The following SUDS3 variants were observed in gnomAD, a reference collection of about 807,000 sequenced individuals.
The protein encoded by SUDS3 is sin3 histone deacetylase corepressor complex component SDS3.
A neutral mutation model predicts 53.5 loss-of-function variants in SUDS3; 23 were observed. That is an observed-to-expected ratio of 0.43 (90% CI 0.31 to 0.61). SUDS3 has a LOEUF of 0.61. SUDS3 is among the 20% of genes least tolerant of loss of function. The pLI is 0.10. For missense variants in SUDS3, 291 were observed against 405.9 expected, an observed-to-expected ratio of 0.72 and a Z score of 2.43; for synonymous variants, 150 against 148.5, an observed-to-expected ratio of 1.01 and a Z score of -0.08.
At chr12:118,410,462 T>G (rs1288714354) in intron 10 of SUDS3, among the ~76,000 whole-genome samples, 1 of 152,176 alleles carries the variant, frequency 6.6e-6, no homozygotes, top group Admixed American at 6.5e-5. Flanking sequence ...TCCAACACTT[T>G]CCTCAGCCTT....
intron 1 of SUDS3, among the ~76,000 whole-genome samples, chr12:118,378,452 A>G (rs1170775870): frequency 2.0e-5 from 3 of 149,586 alleles, no homozygotes; most frequent in African/African-American, 4.9e-5. Context: ...CTTACATAGT[A>G]TTTACATTTT....
chr12:118,381,544 G>A (rs1354948661), intron 2 of SUDS3, among the ~76,000 whole-genome samples: 6 of 151,976 alleles, frequency 3.9e-5, no homozygotes, highest in Admixed American at 6.6e-5. Flanking sequence ...CACCATGCCC[G>A]GCTAATAATT....
chr12:118,403,569 A>G (rs554592259), intron 10 of SUDS3, 52 bp downstream of exon 10: 1 of 1,423,710 alleles, frequency 7.0e-7, no homozygotes, highest in East Asian at 2.4e-5. Flanking sequence ...AACCACTTGG[A>G]AAGAGGGCTG....
At chr12:118,384,580 C>T (rs1334187896) in intron 3 of SUDS3, among the ~76,000 whole-genome samples, 1 of 152,160 alleles carries the variant, frequency 6.6e-6, no homozygotes, top group Admixed American at 6.5e-5. Flanking sequence ...CACCTGTAAT[C>T]CCAGCACTTT....
Position 118,391,263 on chromosome 12 carries a change from G to C in SUDS3, c.498G>C (p.Leu166=), listed in dbSNP as rs1374520218. The C allele has an allele frequency of 6.2e-7, 1 of 1,612,348 alleles. No individual in the cohort carries two copies. The highest frequency in any genetic ancestry group is 8.5e-7 in the Non-Finnish European group (1 of 1,179,532). ...EKKKMIENEK[L]TMELTGDSME... ...AGAAAATGATTGAAAATGAAAAGCT[G>C]ACAATGGAACTGACTGGAGGTAGGA... The change falls in exon 6 of 12, where the codon CTG becomes CTC. Residue 166 remains leucine, a synonymous_variant. Transcript: ENST00000543473.
At chr12:118,389,286 C>A (rs968803204) in intron 4 of SUDS3, among the ~76,000 whole-genome samples, 1 of 152,068 alleles carries the variant, frequency 6.6e-6, no homozygotes, top group African/African-American at 2.4e-5. Context: ...CCGAACTGGT[C>A]CCTGGTGCCA....
At chr12:118,391,088 G>C (rs572108038) in intron 5 of SUDS3, 38 bp from the exon 6 acceptor site, 1 of 1,610,132 alleles carries the variant, frequency 6.2e-7, no homozygotes, top group Non-Finnish European at 8.5e-7. Flanking sequence ...TGGCTCCCAG[G>C]GCTGTGTACT....
At chr12:118,382,031 TA>T (rs1421643132) in intron 2 of SUDS3, among the ~76,000 whole-genome samples, 1 of 151,728 alleles carries the variant, frequency 6.6e-6, no homozygotes, top group African/African-American at 2.4e-5. Context: ...CAGTGCTGAA[TA>T]AAGATGGATT....
rs2046400825 is a variant in SUDS3 at position 118,416,397 on chromosome 12, A to ACC, written c.*1965_*1966dup. 6.6e-6 allele frequency: 1 copy of ACC among 151,530 alleles called. No individual in the cohort carries two copies. Among genetic ancestry groups the ACC allele is most frequent in the Admixed American group, 6.6e-5 (1 of 15,208 alleles). The allele number at this position is 151,530 out of a possible 1,614,324, so 9.4% of individuals were successfully genotyped here. ...CTCTTTTTCTGGCCTTCTCTGTGGG[A>ACC]CCTCTGCTTTTGTGAAGCAACTATT... On this transcript the variant is annotated 3_prime_UTR_variant, in exon 12 of 12. Coordinates refer to ENST00000543473, the MANE Select transcript of SUDS3 (RefSeq NM_022491.3).
Position 118,391,275 on chromosome 12 carries a change from G to T in SUDS3, c.510G>T (p.Leu170=). 1 of 1,610,164 alleles carries T rather than the reference G, an allele frequency of 6.2e-7. No homozygotes were observed. Among genetic ancestry groups the T allele is most frequent in the South Asian group, 1.1e-5 (1 of 90,418 alleles). ...AAAATGAAAAGCTGACAATGGAACT[G>T]ACTGGAGGTAGGAAAGCCCTATGGG... ...MIENEKLTME[L]TGDSMEVKPI... is the part of the protein sequence containing the mutation. The change falls in exon 6 of 12, where the codon CTG becomes CTT. Residue 170 remains leucine, a synonymous_variant. Transcript: ENST00000543473.
At chr12:118,401,120 T>G (rs544207614) in intron 7 of SUDS3, among the ~76,000 whole-genome samples, 6 of 152,356 alleles carry the variant, frequency 3.9e-5, no homozygotes, top group African/African-American at 1.4e-4. Context: ...GGCAGTAATA[T>G]CTACCTTTAT....
intron 4 of SUDS3, among the ~76,000 whole-genome samples, chr12:118,388,431 G>A (rs967217205): frequency 3.1e-4 from 47 of 152,154 alleles, no homozygotes; most frequent in African/African-American, 8.9e-4. Context: ...TGTACGCACA[G>A]CCCCCTGTCA....
At chr12:118,390,917 A>G in intron 5 of SUDS3, 1 of 655,874 alleles carries the variant, frequency 1.5e-6, no homozygotes, top group Middle Eastern at 3.9e-4. Context: ...CTGGGTAGCA[A>G]GTGAGGTGTA....
At chr12:118,408,075 A>AT (rs1451923008) in intron 10 of SUDS3, among the ~76,000 whole-genome samples, 1 of 152,076 alleles carries the variant, frequency 6.6e-6, no homozygotes, top group Admixed American at 6.5e-5. Flanking sequence ...TAATTTTTGT[A>AT]TTTTTAGTAC....
intron 10 of SUDS3, among the ~76,000 whole-genome samples, chr12:118,408,691 G>GTT (rs79562390): frequency 7.0e-6 from 1 of 143,044 alleles, no homozygotes. Context: ...GTTTTTTTTG[G>GTT]TTTTTTTTTT....
chr12:118,383,635 A>G (rs75423350), intron 2 of SUDS3, among the ~76,000 whole-genome samples: 1 of 152,364 alleles, frequency 6.6e-6, no homozygotes, highest in East Asian at 1.9e-4. Flanking sequence ...GTAACTTACA[A>G]TCTAATTGTA....
rs770521321 is a variant in SUDS3, at chr12:118,391,141, C to T, written c.376C>T (p.Arg126Ter). The T allele has an allele frequency of 6.8e-6, 11 of 1,612,628 alleles. No individual in the cohort carries two copies. The highest frequency in any genetic ancestry group is 2.2e-5 in the South Asian group (2 of 90,920). The change falls in exon 6 of 12, where the codon CGA (arginine) becomes TGA (stop). Residue 126 changes from arginine (R) to a stop codon, truncating the protein, a stop_gained. Coordinates refer to ENST00000543473, the MANE Select transcript of SUDS3 (RefSeq NM_022491.3). LOFTEE classifies it high-confidence loss of function. ...FLQLETEQVE[R>*]NYIKEKKAAV... is the part of the protein sequence containing the mutation. ...TTTTGCTCAGACTGAACAAGTGGAA[C>T]GAAATTACATTAAAGAAAAGAAGGC...
At chr12:118,404,077 C>T (rs1303581605) in intron 10 of SUDS3, 1 of 152,362 alleles carries the variant, frequency 6.6e-6, no homozygotes, top group Non-Finnish European at 1.5e-5. Flanking sequence ...GTCAAGGACA[C>T]TTGCTTGGGG....
intron 6 of SUDS3, among the ~76,000 whole-genome samples, chr12:118,396,878 A>G (rs1424849775): frequency 6.6e-6 from 1 of 152,166 alleles, no homozygotes; most frequent in East Asian, 1.9e-4. Flanking sequence ...AGATGTCGGA[A>G]TCTGTGCTCC....
Sources: gnomAD v4.1 joint callset for allele counts (sites outside exome capture counted in the v4.1 genomes callset) on GRCh38, gnomAD v4.1.1 for gene constraint, MANE v1.5 for transcripts, NCBI Gene and HGNC (gene_info 2026-07-23, HGNC 2026-07-21) for gene names.